The following EIF2B3 variants were observed in gnomAD, a reference collection of about 807,000 sequenced individuals.
EIF2B3 encodes eukaryotic translation initiation factor 2B subunit gamma.
EIF2B3 carries 20 observed loss-of-function variants against 54.1 expected under a neutral mutation model. That is an observed-to-expected ratio of 0.37 (90% CI 0.26 to 0.54). The LOEUF is 0.54. Among genes scored for constraint, EIF2B3 ranks in the 20% least tolerant of loss-of-function variants. The probability of loss-of-function intolerance (pLI) is 0.86; values close to 1 mark genes in which losing one functional copy is unlikely to be tolerated. For missense variants in EIF2B3, 448 were observed against 547.8 expected (o/e 0.82, Z 1.82); for synonymous variants, 153 against 188.1 (o/e 0.81, Z 1.52).
intron 3 of EIF2B3, among the ~76,000 whole-genome samples, chr1:44,952,505 A>G (rs1016207512): frequency 3.3e-5 from 5 of 151,990 alleles, no homozygotes; most frequent in African/African-American, 1.2e-4. Context: ...ATCTATATGC[A>G]TTACATATTA....
rs149072548 is a variant in EIF2B3 at position 44,913,530 on chromosome 1, G to A, written c.566+13098C>T. 2.0e-3 allele frequency among the ~76,000 whole-genome samples: 307 copies of A among 152,200 alleles called. 1 individual carries two copies. Among genetic ancestry groups the A allele is most frequent in the African/African-American group, 7.0e-3 (291 of 41,518 alleles). On this transcript the variant is annotated intron_variant, in intron 5 of 11. Transcript: ENST00000360403. Reference sequence around the variant, plus strand: ...AAAAAAAAAAATCTTGTACAGATAGGGTCTCACTCTGTCACCCAGGCTAGA... The same window carrying A: ...AAAAAAAAAAATCTTGTACAGATAGAGTCTCACTCTGTCACCCAGGCTAGA...
chr1:44,943,146 C>T (rs749903437), intron 3 of EIF2B3, among the ~76,000 whole-genome samples: 6 of 151,904 alleles, frequency 3.9e-5, no homozygotes, highest in Non-Finnish European at 7.4e-5. Context: ...TGTGAGCCAC[C>T]ACGCCCGGCC....
chr1:44,887,075 T>C (rs1655614197), intron 6 of EIF2B3, among the ~76,000 whole-genome samples: 1 of 152,170 alleles, frequency 6.6e-6, no homozygotes, highest in Non-Finnish European at 1.5e-5. Context: ...CTCTCTCAGA[T>C]TTCAGAGCTC....
chr1:44,986,215 C>T (rs1214635647), intron 1 of EIF2B3, among the ~76,000 whole-genome samples: 2 of 151,304 alleles, frequency 1.3e-5, no homozygotes, highest in African/African-American at 2.4e-5. Context: ...ATTAGGCTCA[C>T]TGCAACCTCC....
chr1:44,878,285 CAG>C (rs1271126009), intron 8 of EIF2B3, among the ~76,000 whole-genome samples: 2 of 152,000 alleles, frequency 1.3e-5, no homozygotes, highest in African/African-American at 2.4e-5. Flanking sequence ...TTTTTTGAGA[CAG>C]AGTCTCACTC....
At chr1:44,944,900 ATT>A (rs933260360) in intron 3 of EIF2B3, among the ~76,000 whole-genome samples, 24 of 147,216 alleles carry the variant, frequency 1.6e-4, no homozygotes, top group Admixed American at 8.2e-4. Context: ...GTCTACATGT[ATT>A]TTTTTTTTTG....
At chr1:44,960,720 G>A (rs1644276867) in intron 3 of EIF2B3, among the ~76,000 whole-genome samples, 1 of 151,980 alleles carries the variant, frequency 6.6e-6, no homozygotes, top group African/African-American at 2.4e-5. Flanking sequence ...TAATTTAGAG[G>A]TGATTTAAAG....
chr1:44,983,161 G>T (rs1644532646), intron 1 of EIF2B3, among the ~76,000 whole-genome samples: 1 of 151,986 alleles, frequency 6.6e-6, no homozygotes, highest in Admixed American at 6.6e-5. Flanking sequence ...CAGGCCTCCT[G>T]CCTGGGCCTC....
intron 3 of EIF2B3, among the ~76,000 whole-genome samples, chr1:44,954,323 AG>A (rs1403284362): frequency 2.6e-5 from 4 of 152,228 alleles, no homozygotes; most frequent in African/African-American, 9.6e-5. Context: ...TACTTTGGGC[AG>A]TATGGGCATT....
intron 1 of EIF2B3, among the ~76,000 whole-genome samples, chr1:44,981,644 G>C (rs1296780662): frequency 6.6e-6 from 1 of 152,046 alleles, no homozygotes; most frequent in Admixed American, 6.6e-5. Context: ...TTTATTCTTT[G>C]AAAATATTAG....
chr1:44,930,638 A>G (rs1643888622), intron 4 of EIF2B3, among the ~76,000 whole-genome samples: 2 of 152,082 alleles, frequency 1.3e-5, no homozygotes, highest in South Asian at 2.1e-4. Context: ...CTCTCCCTAT[A>G]TATTTTTTTT....
intron 3 of EIF2B3, among the ~76,000 whole-genome samples, chr1:44,972,747 A>C (rs1282901420): frequency 6.6e-6 from 1 of 151,968 alleles, no homozygotes; most frequent in East Asian, 1.9e-4. Flanking sequence ...AGCTCACTGC[A>C]ACCTTCACCT....
chr1:44,981,245 C>T lies in EIF2B3; in HGVS notation c.-9-68G>A. 4 of 1,541,064 alleles carry T rather than the reference C, an allele frequency of 2.6e-6. No individual in the cohort carries two copies. The South Asian group carries it at 4.5e-5, about 17-fold the overall frequency. On this transcript the variant is annotated intron_variant, in intron 1 of 11. Transcript: ENST00000360403. ...AACAAAAATCAAAGCACACATACTA[C>T]TAGCCTATTTTTATTTAGGTTACTG...
chr1:44,895,871 G>A (rs1655953500), intron 6 of EIF2B3, among the ~76,000 whole-genome samples: 1 of 152,170 alleles, frequency 6.6e-6, no homozygotes, highest in Non-Finnish European at 1.5e-5. Context: ...TTCTAACACA[G>A]TTGTGTTCTC....
At chr1:44,946,864 G>A (rs1442236639) in intron 3 of EIF2B3, among the ~76,000 whole-genome samples, 1 of 152,048 alleles carries the variant, frequency 6.6e-6, no homozygotes, top group Non-Finnish European at 1.5e-5. Flanking sequence ...TCTAGTAACT[G>A]GAGCCCAGAG....
intron 5 of EIF2B3, among the ~76,000 whole-genome samples, chr1:44,915,075 G>T (rs1419618251): frequency 3.3e-5 from 5 of 151,642 alleles, no homozygotes; most frequent in Admixed American, 2.0e-4. Context: ...GAGGCAGGTA[G>T]ATCATTTGAG....
At chr1:44,943,016 C>T (rs139698595) in intron 3 of EIF2B3, among the ~76,000 whole-genome samples, 2,442 of 151,498 alleles carry the variant, frequency 0.016, 39 homozygotes, top group African/African-American at 0.039. Flanking sequence ...CCACCACGCC[C>T]GGCTAATTTT....
At chr1:44,905,050 A>C (rs575545196) in intron 5 of EIF2B3, among the ~76,000 whole-genome samples, 83 of 152,306 alleles carry the variant, frequency 5.4e-4, no homozygotes, top group Non-Finnish European at 7.6e-4. Context: ...TGGTGTGGCT[A>C]TCTGGTATTT....
intron 5 of EIF2B3, among the ~76,000 whole-genome samples, chr1:44,923,904 A>G (rs984917807): frequency 4.0e-5 from 6 of 149,824 alleles, no homozygotes; most frequent in Non-Finnish European, 7.4e-5. Context: ...CCTAGGCTCA[A>G]GCAATCCTCC....
Sources: allele counts gnomAD v4.1 joint callset (sites outside exome capture counted in the v4.1 genomes callset), GRCh38; gene constraint gnomAD v4.1.1; transcripts MANE v1.5; gene names NCBI Gene and HGNC (gene_info 2026-07-23, HGNC 2026-07-21).